Variants in ADCY9 observed in about 807,000 individuals in gnomAD.
ADCY9 encodes adenylate cyclase type 9.
ADCY9 carries 50 observed loss-of-function variants against 101.5 expected under a neutral mutation model. The observed-to-expected ratio is 0.49, with a 90% confidence interval of 0.39 to 0.62. ADCY9 has a LOEUF of 0.62. Among genes scored for constraint, ADCY9 ranks in the 20% least tolerant of loss-of-function variants. ADCY9 has a pLI of 0.00. For synonymous variants in ADCY9, 905 were observed against 769.3 expected (o/e 1.18, Z -2.92); for missense variants, 1,662 against 1,800.4 (o/e 0.92, Z 1.39).
intron 2 of ADCY9, among the ~76,000 whole-genome samples, chr16:4,014,621 T>C (rs928830792): frequency 6.6e-6 from 1 of 151,770 alleles, no homozygotes; most frequent in Non-Finnish European, 1.5e-5. Flanking sequence ...CTAATTTTTG[T>C]GTTTTTAGCA....
At chr16:4,030,924 C>T (rs1273171614) in intron 2 of ADCY9, among the ~76,000 whole-genome samples, 1 of 152,064 alleles carries the variant, frequency 6.6e-6, no homozygotes, top group Non-Finnish European at 1.5e-5. Context: ...AAACTGTACA[C>T]TTATGCATTT....
intron 2 of ADCY9, among the ~76,000 whole-genome samples, chr16:4,037,294 G>A (rs1051976143): frequency 1.3e-5 from 2 of 151,802 alleles, no homozygotes; most frequent in African/African-American, 4.8e-5. Flanking sequence ...CTCTAACCTG[G>A]GCAACAGAGC....
chr16:4,069,086 A>G (rs2056817575), intron 2 of ADCY9, among the ~76,000 whole-genome samples: 1 of 152,174 alleles, frequency 6.6e-6, no homozygotes, highest in South Asian at 2.1e-4. Context: ...ATGACATGTG[A>G]AATTCTGAAG....
At chr16:4,086,018 G>A (rs142851095) in intron 2 of ADCY9, among the ~76,000 whole-genome samples, 56 of 152,030 alleles carry the variant, frequency 3.7e-4, no homozygotes, top group African/African-American at 1.3e-3. Flanking sequence ...GAAAGACTCC[G>A]CTAATGTGTA....
chr16:4,018,951 T>TTGTG lies in ADCY9; in HGVS notation c.1694-11397_1694-11394dup, dbSNP rs58093859. The stretch of plus-strand genomic sequence containing the variant: ...CTGAACTTTTCTGGAAGAATCGCAG[T>TTGTG]TGTGTGTGTGTGTGTGTGTTTTGTT... On this transcript the variant is annotated intron_variant, in intron 2 of 10. Coordinates refer to ENST00000294016, the MANE Select transcript of ADCY9 (RefSeq NM_001116.4). Among the ~76,000 whole-genome samples, 45 of 138,930 alleles carry TTGTG rather than the reference T, an allele frequency of 3.2e-4. No individual in the cohort carries two copies. The East Asian group carries it at 8.3e-3, about 26-fold the overall frequency. 91.1% of individuals were successfully genotyped at this position (138,930 alleles called of 152,430 possible).
chr16:3,979,380 G>A (rs1349070197), intron 7 of ADCY9, 105 bp from the exon 8 acceptor site: 23 of 1,363,962 alleles, frequency 1.7e-5, no homozygotes, highest in Non-Finnish European at 1.9e-5. Flanking sequence ...GCTCTCTCCC[G>A]TGTTGCCCCT....
At chr16:3,998,559 A>T (rs1329756616) in intron 3 of ADCY9, among the ~76,000 whole-genome samples, 1 of 151,758 alleles carries the variant, frequency 6.6e-6, no homozygotes, top group Admixed American at 6.6e-5. Context: ...AATACAAAAA[A>T]TTAGCCTGGC....
At chr16:4,064,824 CA>C (rs983826093) in intron 2 of ADCY9, among the ~76,000 whole-genome samples, 4 of 151,934 alleles carry the variant, frequency 2.6e-5, no homozygotes, top group African/African-American at 9.7e-5. Context: ...GAAGACTACA[CA>C]AAAGAAAAAA....
rs144617087 is a variant in ADCY9, at chr16:3,978,822, C to T, written c.2679+294G>A. 8.9e-3 allele frequency among the ~76,000 whole-genome samples: 1,359 copies of T among 152,286 alleles called. 19 individuals are homozygous for T. The highest frequency in any genetic ancestry group is 0.03 in the African/African-American group (1,233 of 41,546). ...GCAACCTCTGCCTCCCAGGTTCAAG[C>T]GATTCTCCTGCCTCAGCCTCCCAAG... On this transcript the variant is annotated intron_variant, in intron 8 of 10. Transcript: ENST00000294016.
intron 5 of ADCY9, among the ~76,000 whole-genome samples, chr16:3,991,704 T>C (rs1248579258): frequency 7.1e-6 from 1 of 140,304 alleles, no homozygotes; most frequent in East Asian, 2.1e-4. Context: ...GAGGTTGCAG[T>C]GAGCCGAGAT....
intron 2 of ADCY9, among the ~76,000 whole-genome samples, chr16:4,087,066 C>T (rs2056943652): frequency 6.6e-6 from 1 of 152,076 alleles, no homozygotes; most frequent in Admixed American, 6.6e-5. Context: ...CTGCGCCCTA[C>T]ATCCCAACAA....
At chr16:4,017,933 G>A (rs879527591) in intron 2 of ADCY9, among the ~76,000 whole-genome samples, 21 of 152,146 alleles carry the variant, frequency 1.4e-4, no homozygotes, top group Non-Finnish European at 7.3e-5. Flanking sequence ...GGTGTAGCCC[G>A]CACAGCATGG....
rs74488150 is a variant in ADCY9 at position 3,956,383 on chromosome 16, G to C, written c.568-2867C>G. 9.4e-3 allele frequency among the ~76,000 whole-genome samples: 1,412 copies of C among 150,254 alleles called. 12 individuals carry two copies. The highest frequency in any genetic ancestry group is 0.054 in the East Asian group (273 of 5,058). On this transcript the variant is annotated intron_variant, in intron 5 of 5. Transcript: ENST00000576936. Reference sequence around the variant, plus strand: ...CCTAACACAATAAAAAATTGTGATAGAATTTATTGTGTAATCAACAAGTTA... The same window carrying C: ...CCTAACACAATAAAAAATTGTGATACAATTTATTGTGTAATCAACAAGTTA...
At chr16:4,050,609 G>A (rs1304585396) in intron 2 of ADCY9, among the ~76,000 whole-genome samples, 3 of 150,622 alleles carry the variant, frequency 2.0e-5, no homozygotes, top group African/African-American at 7.3e-5. Flanking sequence ...AGCTACTAGG[G>A]AGGCTGAGGC....
rs141254290 is a variant in ADCY9, at chr16:4,000,968, T to TACACACACACACACACACACACACAC, written c.1884+6374_1884+6399dup. 1.7e-4 allele frequency among the ~76,000 whole-genome samples: 21 copies of TACACACACACACACACACACACACAC among 125,332 alleles called. 1 individual carries two copies. Among genetic ancestry groups the TACACACACACACACACACACACACAC allele is most frequent in the South Asian group, 2.9e-4 (1 of 3,460 alleles). The allele number at this position is 125,332 out of a possible 152,430, so 82.2% of individuals were successfully genotyped here. On this transcript the variant is annotated intron_variant, in intron 3 of 10. Transcript: ENST00000294016. ...GCACATACATTTCCATCCCTCTCTC[T>TACACACACACACACACACACACACAC]ACACACACACACACACACACACACA...
Position 3,992,894 on chromosome 16 carries a change from G to C in ADCY9, c.1989+512C>G, listed in dbSNP as rs2141703738. On this transcript the variant is annotated intron_variant, in intron 4 of 10. Coordinates refer to ENST00000294016, the MANE Select transcript of ADCY9 (RefSeq NM_001116.4). The surrounding 1 kb of genome is among the most constrained non-coding windows in gnomAD (Gnocchi z 4.2). ...CAGATGGAGAGCAGATGGAGGACGA[G>C]AGCCCGCGCCCCAGGTGAGTCGCCT... 6.6e-6 allele frequency among the ~76,000 whole-genome samples: 1 copy of C among 152,216 alleles called. No individual in the cohort carries two copies. The highest frequency in any genetic ancestry group is 2.1e-4 in the South Asian group (1 of 4,830).
chr16:4,071,673 G>A (rs767181917), intron 2 of ADCY9, among the ~76,000 whole-genome samples: 14 of 152,042 alleles, frequency 9.2e-5, no homozygotes, highest in Non-Finnish European at 1.6e-4. Flanking sequence ...CTACAATTTG[G>A]GCTAATCCTG....
At chr16:4,015,255 C>T (rs2056430936) in intron 2 of ADCY9, among the ~76,000 whole-genome samples, 1 of 151,974 alleles carries the variant, frequency 6.6e-6, no homozygotes, top group Non-Finnish European at 1.5e-5. Context: ...TTCTTATCTT[C>T]TGTATTCCGA....
chr16:3,971,164 C>T (rs185650672), intron 10 of ADCY9, among the ~76,000 whole-genome samples: 4 of 152,064 alleles, frequency 2.6e-5, no homozygotes, highest in Admixed American at 1.3e-4. Flanking sequence ...GCCTGGACAC[C>T]GAGACTTTAA....
Sources: allele counts gnomAD v4.1 joint callset (sites outside exome capture counted in the v4.1 genomes callset), GRCh38; gene constraint gnomAD v4.1.1; non-coding constraint Gnocchi (gnomAD v3.1); transcripts MANE v1.5; gene names NCBI Gene and HGNC (gene_info 2026-07-23, HGNC 2026-07-21).